The following DHX37 variants were observed in gnomAD, a reference collection of about 807,000 sequenced individuals.
DHX37 encodes DEAH-box helicase 37.
In DHX37, 52 loss-of-function variants were observed where a neutral mutation model predicts 134.3. The ratio of observed to expected loss-of-function variants is 0.39; its 90% confidence interval spans 0.31 to 0.49. The LOEUF is 0.49. Among genes scored for constraint, DHX37 ranks in the 20% least tolerant of loss-of-function variants. The pLI is 0.93. For missense variants in DHX37, 1,344 were observed against 1,580.8 expected (o/e 0.85, Z 2.54); for synonymous variants, 634 against 670.7 (o/e 0.95, Z 0.85).
intron 12 of DHX37, among the ~76,000 whole-genome samples, chr12:124,966,107 G>A (rs1175299547): frequency 6.6e-6 from 1 of 152,240 alleles, no homozygotes; most frequent in African/African-American, 2.4e-5. Context: ...AGACGGCTGA[G>A]TGCTTACGCT....
intron 15 of DHX37, among the ~76,000 whole-genome samples, chr12:124,961,223 C>CACACATACACGCGT (rs1491479052): frequency 6.1e-5 from 7 of 114,284 alleles, no homozygotes; most frequent in African/African-American, 3.3e-4. Context: ...CGCACGCACA[C>CACACATACACGCGT]GCACGCACAC....
chr12:124,988,802 C>T, intron 1 of DHX37, 115 bp downstream of exon 1: 5 of 516,196 alleles, frequency 9.7e-6, no homozygotes, highest in Non-Finnish European at 1.3e-5. Flanking sequence ...CCCATTCCCC[C>T]ATTCCAGATG....
Position 124,949,896 on chromosome 12 carries a change from T to C in DHX37, c.3290+90A>G, listed in dbSNP as rs1953939275. The C allele has an allele frequency of 7.4e-7, 1 of 1,353,194 alleles. No individual in the cohort carries two copies. Among genetic ancestry groups the C allele is most frequent in the African/African-American group, 1.4e-5 (1 of 69,108 alleles). 83.8% of individuals were successfully genotyped at this position (1,353,194 alleles called of 1,614,324 possible). On this transcript the variant is annotated intron_variant, in intron 25 of 26. Coordinates refer to ENST00000308736, the MANE Select transcript of DHX37 (RefSeq NM_032656.4). This position sits in a 1 kb window ranked among gnomAD's most constrained non-coding sequence, Gnocchi z 4.0. The stretch of plus-strand genomic sequence containing the variant: ...ACTTCTGATGTTTTAAGCCTCCCTG[T>C]GTGTGGTGCTTTGTCCTGGCAGCCC...
intron 2 of DHX37, among the ~76,000 whole-genome samples, chr12:124,983,344 G>T (rs893615545): frequency 2.0e-5 from 3 of 151,386 alleles, no homozygotes; most frequent in African/African-American, 4.9e-5. Context: ...TGATCTGCCC[G>T]CCTCGGCCTC....
intron 15 of DHX37, 147 bp downstream of exon 15, chr12:124,964,247 G>A: frequency 8.4e-7 from 1 of 1,193,954 alleles, no homozygotes; most frequent in Non-Finnish European, 1.1e-6. Flanking sequence ...CCAGCAAAAG[G>A]GCTGGGGAGC....
In DHX37 at chr12:124,950,183, T is replaced by C. The variant is rs1185689300; in HGVS notation, c.3182A>G (p.Tyr1061Cys). 8 of 1,613,932 alleles carry C rather than the reference T, an allele frequency of 5.0e-6. No individual in the cohort carries two copies. Among genetic ancestry groups the C allele is most frequent in the African/African-American group, 1.3e-5 (1 of 74,940 alleles). ...EVDFPEGIDR[Y>C]KHFARFLLEG... ...CAGCAGGAACCGGGCAAAGTGCTTG[T>C]AGCGGTCAATCCCCTCTGGAAAATC... Residue 1061 changes from tyrosine (Y) to cysteine (C), a missense_variant, in exon 24 of 27, where the codon TAC (tyrosine) becomes TGC (cysteine). Coordinates refer to ENST00000308736, the MANE Select transcript of DHX37 (RefSeq NM_032656.4).
Position 124,965,024 on chromosome 12 carries a change from G to A in DHX37, c.1736-18C>T. On this transcript the variant is annotated intron_variant, in intron 13 of 26. Transcript: ENST00000308736. ...CTGCTCACCTGGAGGGAAAGCAGAG[G>A]TCACTGGCACCCAGGCCGGGACAGA... The A allele has an allele frequency of 6.3e-7, 1 of 1,586,222 alleles. No homozygotes were observed.
At chr12:124,969,629 A>G (rs922142909) in intron 8 of DHX37, among the ~76,000 whole-genome samples, 1 of 152,000 alleles carries the variant, frequency 6.6e-6, no homozygotes, top group African/African-American at 2.4e-5. Context: ...GGCCACAGTG[A>G]GGTGTCACTG....
intron 15 of DHX37, among the ~76,000 whole-genome samples, 177 bp from the exon 16 acceptor site, chr12:124,960,600 C>T (rs1308116041): frequency 2.0e-5 from 3 of 152,172 alleles, no homozygotes; most frequent in Non-Finnish European, 4.4e-5. Context: ...ATTCTCCTCA[C>T]CTGTGAAATG....
Position 124,964,455 on chromosome 12 carries a change from G to A in DHX37, c.1984C>T (p.Gln662Ter), listed in dbSNP as rs748490447. 1.2e-6 allele frequency: 2 copies of A among 1,614,200 alleles called. No individual in the cohort carries two copies. Among genetic ancestry groups the A allele is most frequent in the Admixed American group, 1.7e-5 (1 of 60,020 alleles). ...CCCGCTCGCTGGTCAGCTGATGCCT[G>A]GGAGACCCAGGTGACACGGAAGGAG... ...VSSFRVTWVS[Q>*]ASADQRAGRA... is the part of the protein sequence containing the mutation. Residue 662 changes from glutamine (Q) to a stop codon, truncating the protein, a stop_gained, in exon 15 of 27, where the codon CAG becomes TAG. Transcript: ENST00000308736. LOFTEE classifies it high-confidence loss of function.
chr12:124,953,876 G>A lies in DHX37; in HGVS notation c.2695+4C>T, dbSNP rs376003968. On this transcript the variant is annotated splice_donor_region_variant and intron_variant, in intron 20 of 26. Transcript: ENST00000308736. ...TGCAGCGGCGTGCCGGCACGGGGCC[G>A]TACCTGCGGTGGTCAGCTGGCCCCG... 2.2e-5 allele frequency: 35 copies of A among 1,610,408 alleles called. No homozygotes were observed. Among genetic ancestry groups the A allele is most frequent in the Middle Eastern group, 1.7e-4 (1 of 5,900 alleles).
intron 16 of DHX37, among the ~76,000 whole-genome samples, chr12:124,958,968 G>A (rs1284817721): frequency 3.4e-5 from 5 of 147,624 alleles, no homozygotes; most frequent in Admixed American, 6.8e-5. Flanking sequence ...GGAGTGCAAC[G>A]GCATGATCTT....
At position 124,972,497 on chromosome 12, in the gene DHX37, A is replaced by G; in HGVS notation, c.1077+6T>C. ...CTTGCTCTGTGAGCCAGGATCCACAACCAACCTTCTGGATTTCTTTAAGCA... is the reference window on the plus strand; with the variant it reads ...CTTGCTCTGTGAGCCAGGATCCACAGCCAACCTTCTGGATTTCTTTAAGCA... On this transcript the variant is annotated splice_donor_region_variant and intron_variant, in intron 7 of 26. Coordinates refer to ENST00000308736, the MANE Select transcript of DHX37 (RefSeq NM_032656.4). 1 of 1,614,126 alleles carries G rather than the reference A, an allele frequency of 6.2e-7. No homozygotes were observed.
rs1366970104 is a variant in DHX37, at chr12:124,964,950, C to T, written c.1792G>A (p.Ala598Thr). ...LHVLPLYSLL[A>T]PEKQAQVFKP... ...GTTACCTGTGCTTGCTTCTCTGGGG[C>T]CAGCAGAGAGTACAGCGGGAGCACG... The change falls in exon 14 of 27, where the codon GCC becomes ACC. Residue 598 changes from alanine to threonine, a missense_variant. Physicochemically the swap from Ala to Thr is moderately conservative, Grantham distance 58. Around this residue, in one of 7 missense-constraint regions of DHX37, gnomAD observed 289 missense variants for 323.8 expected, o/e 0.89. Coordinates refer to ENST00000308736, the MANE Select transcript of DHX37 (RefSeq NM_032656.4). The T allele has an allele frequency of 1.3e-6, 2 of 1,596,564 alleles. No individual in the cohort carries two copies. The highest frequency in any genetic ancestry group is 3.6e-5 in the Admixed American group (2 of 55,678).
In DHX37 at chr12:124,953,680, C is replaced by G. The variant is rs1210224684; in HGVS notation, c.2695+200G>C. Reference sequence around the variant, plus strand: ...TGGGGGAGGGTGCAGGCTGGCAGCTCGAATCTGTTAGTGCCCTGCTCATGT... The same window carrying G: ...TGGGGGAGGGTGCAGGCTGGCAGCTGGAATCTGTTAGTGCCCTGCTCATGT... On this transcript the variant is annotated intron_variant, in intron 20 of 26. Transcript: ENST00000308736. 6.2e-6 allele frequency: 6 copies of G among 963,094 alleles called. No individual in the cohort carries two copies. In the African/African-American group the frequency reaches 8.3e-5, roughly 13 times the overall value. 59.7% of individuals were successfully genotyped at this position (963,094 alleles called of 1,614,324 possible). A position where few individuals can be genotyped will look rare whatever the true frequency, so the allele number is the denominator to read the frequency against.
At chr12:124,961,237 CAT>C (rs1165393657) in intron 15 of DHX37, among the ~76,000 whole-genome samples, 5 of 125,224 alleles carry the variant, frequency 4.0e-5, no homozygotes, top group Admixed American at 1.6e-4. Flanking sequence ...CGCACACACA[CAT>C]ACACGCGTGC....
chr12:124,988,784 T>A, intron 1 of DHX37, 133 bp downstream of exon 1: 1 of 439,256 alleles, frequency 2.3e-6, no homozygotes, highest in Non-Finnish European at 4.0e-6. Flanking sequence ...TCATCTGGAA[T>A]GGGGGGACCC....
intron 4 of DHX37, among the ~76,000 whole-genome samples, chr12:124,978,618 T>TC (rs546286914): frequency 6.3e-4 from 89 of 141,020 alleles, no homozygotes; most frequent in Non-Finnish European, 1.2e-3. Context: ...GTGCCTGGCC[T>TC]CCATTTGTTT....
At chr12:124,967,517 C>T (rs886223078) in intron 10 of DHX37, among the ~76,000 whole-genome samples, 3 of 152,198 alleles carry the variant, frequency 2.0e-5, no homozygotes, top group East Asian at 1.9e-4. Context: ...ACAGTGACAG[C>T]GCCGCGGCTG....
Sources: gnomAD v4.1 joint callset for allele counts (sites outside exome capture counted in the v4.1 genomes callset) on GRCh38, gnomAD v4.1.1 for gene constraint, gnomAD v4.1.1 regional missense constraint, Gnocchi (gnomAD v3.1) non-coding constraint, MANE v1.5 for transcripts, NCBI Gene and HGNC (gene_info 2026-07-23, HGNC 2026-07-21) for gene names.